Variants in BRD10 observed in about 807,000 individuals in gnomAD.
BRD10 encodes the protein bromodomain containing 10.
the BRD10 span, among the ~76,000 whole-genome samples, chr9:5,980,147 G>A: frequency 2.7e-4 from 41 of 152,144 alleles, no homozygotes; most frequent in African/African-American, 9.6e-4. Context: ...TAAACAGAAT[G>A]TGGTGGTGGT....
At chr9:5,950,381 C>T in the BRD10 span, among the ~76,000 whole-genome samples, 14 of 152,292 alleles carry the variant, frequency 9.2e-5, no homozygotes, top group Middle Eastern at 0.02. Flanking sequence ...CACAACTCTA[C>T]AAGGAAGGTA....
At chr9:5,897,363 A>G in the BRD10 span, among the ~76,000 whole-genome samples, 1 of 152,202 alleles carries the variant, frequency 6.6e-6, no homozygotes, top group Non-Finnish European at 1.5e-5. Flanking sequence ...AGAGGCTCCT[A>G]AAGACCTGGG....
chr9:6,001,370 T>C, the BRD10 span, among the ~76,000 whole-genome samples: 1 of 152,190 alleles, frequency 6.6e-6, no homozygotes, highest in Non-Finnish European at 1.5e-5. Context: ...CTAAATTCCC[T>C]AGCAAGCATT....
chr9:5,961,952 G>GA, the BRD10 span, among the ~76,000 whole-genome samples: 1 of 96,400 alleles, frequency 1.0e-5, no homozygotes, highest in East Asian at 2.7e-4. Context: ...TTGATTTTTT[G>GA]AAGGGTTTTT....
chr9:5,948,099 T>C, the BRD10 span, among the ~76,000 whole-genome samples: 1 of 152,170 alleles, frequency 6.6e-6, no homozygotes, highest in Non-Finnish European at 1.5e-5. Context: ...TAACCTTTCA[T>C]TTAATATAAT....
At chr9:5,951,326 C>CG in the BRD10 span, among the ~76,000 whole-genome samples, 1 of 30,788 alleles carries the variant, frequency 3.2e-5, no homozygotes, top group Non-Finnish European at 2.5e-4. Context: ...CTCATTAGGA[C>CG]TTAAAAAAAA....
chr9:6,006,695 T>G, the BRD10 span, among the ~76,000 whole-genome samples: 18 of 152,196 alleles, frequency 1.2e-4, no homozygotes, highest in Admixed American at 5.2e-4. Context: ...CATTAACCAT[T>G]TAGTAACACT....
the BRD10 span, among the ~76,000 whole-genome samples, chr9:5,884,424 G>C: frequency 6.6e-6 from 1 of 152,194 alleles, no homozygotes; most frequent in Non-Finnish European, 1.5e-5. Flanking sequence ...TGGAGCTCCA[G>C]CCATATGGAA....
the BRD10 span, chr9:5,906,985 A>C: frequency 6.3e-7 from 1 of 1,594,614 alleles, no homozygotes; most frequent in Non-Finnish European, 8.5e-7. Context: ...CAAGAGAAAA[A>C]CTGTGAACCT....
chr9:5,910,352 C>T, the BRD10 span: 1 of 152,154 alleles, frequency 6.6e-6, no homozygotes, highest in South Asian at 2.1e-4. Flanking sequence ...AGATGTATTA[C>T]ACACATCGAA....
At chr9:5,960,289 T>G in the BRD10 span, among the ~76,000 whole-genome samples, 2 of 151,964 alleles carry the variant, frequency 1.3e-5, no homozygotes, top group East Asian at 3.9e-4. Context: ...TGGCCGGGCG[T>G]GCTGCCTCAC....
the BRD10 span, among the ~76,000 whole-genome samples, chr9:5,885,780 T>C: frequency 6.6e-6 from 1 of 152,202 alleles, no homozygotes; most frequent in Non-Finnish European, 1.5e-5. Context: ...TTGCTCAAGG[T>C]CTCACAGATA....
At chr9:5,991,814 T>G in the BRD10 span, among the ~76,000 whole-genome samples, 1 of 152,094 alleles carries the variant, frequency 6.6e-6, no homozygotes, top group Non-Finnish European at 1.5e-5. Flanking sequence ...CCTAAAGTTC[T>G]TATGATCTCC....
chr9:5,983,909 A>G, the BRD10 span, among the ~76,000 whole-genome samples: 35 of 151,736 alleles, frequency 2.3e-4, no homozygotes, highest in South Asian at 2.3e-3. Context: ...CGTCATACTT[A>G]AAGTGCTGAT....
chr9:5,915,333 T>C, the BRD10 span, among the ~76,000 whole-genome samples: 1 of 152,208 alleles, frequency 6.6e-6, no homozygotes, highest in African/African-American at 2.4e-5. Flanking sequence ...TTTAAGTATT[T>C]ACTATGTGGT....
At chr9:5,975,475 A>G in the BRD10 span, among the ~76,000 whole-genome samples, 2 of 151,310 alleles carry the variant, frequency 1.3e-5, no homozygotes, top group African/African-American at 4.8e-5. Flanking sequence ...AGATTTAGCA[A>G]TAAGGTCATT....
the BRD10 span, among the ~76,000 whole-genome samples, chr9:5,989,540 A>ATTT: frequency 3.6e-5 from 5 of 137,950 alleles, no homozygotes; most frequent in East Asian, 2.1e-4. Context: ...TAAAATGTAA[A>ATTT]TTTTTTTTTT....
the BRD10 span, chr9:5,922,792 C>T: frequency 2.5e-6 from 4 of 1,614,000 alleles, no homozygotes; most frequent in Non-Finnish European, 3.4e-6. Flanking sequence ...GGCCACAGGG[C>T]ATTTTGTATA....
At chr9:5,980,343 A>G in the BRD10 span, among the ~76,000 whole-genome samples, 1 of 152,180 alleles carries the variant, frequency 6.6e-6, no homozygotes, top group Non-Finnish European at 1.5e-5. Flanking sequence ...AGCCTTTCTC[A>G]GTATTTATTC....
Sources: gnomAD v4.1 joint callset for allele counts (sites outside exome capture counted in the v4.1 genomes callset) on GRCh38, gnomAD v4.1.1 for gene constraint, MANE v1.5 for transcripts, NCBI Gene and HGNC (gene_info 2026-07-23, HGNC 2026-07-21) for gene names.